LCT: variants seen among roughly 807,000 people sequenced by gnomAD.
LCT encodes lactase/phlorizin hydrolase.
Under a neutral mutation model 173.0 loss-of-function variants are expected in LCT, and 90 were observed. The observed-to-expected ratio is 0.52, with a 90% CI of 0.44 to 0.62. The LOEUF is 0.62. Ranked by LOEUF, LCT falls within the 20% of genes least tolerant of loss-of-function variation. The pLI is 0.00. For synonymous variants in LCT, 853 were observed against 957.6 expected (o/e 0.89, Z 2.02); for missense variants, 1,864 against 2,431.4 (o/e 0.77, Z 4.91).
intron 1 of LCT, among the ~76,000 whole-genome samples, chr2:135,834,956 C>T (rs1050072634): frequency 6.6e-6 from 1 of 151,922 alleles, no homozygotes; most frequent in African/African-American, 2.4e-5. Context: ...AATTTTATAA[C>T]TGTTCGTATA....
Position 135,829,949 on chromosome 2 carries a change from C to T in LCT, c.721-273G>A, listed in dbSNP as rs144669518. On this transcript the variant is annotated intron_variant, in intron 2 of 16. Coordinates refer to ENST00000264162, the MANE Select transcript of LCT (RefSeq NM_002299.4). ...CTCTGTGCTCAGCACACAGAAAGCA[C>T]GCAGTGTTGATGGCTAAATGAATGC... Among the ~76,000 whole-genome samples, 584 of 152,050 alleles carry T rather than the reference C, an allele frequency of 3.8e-3. 4 individuals are homozygous for T. Among genetic ancestry groups the T allele is most frequent in the Non-Finnish European group, 6.1e-3 (413 of 67,994 alleles).
rs1234094603 is a variant in LCT at position 135,836,881 on chromosome 2, G to A, written c.289C>T (p.Leu97Phe). 6.2e-7 allele frequency: 1 copy of A among 1,614,206 alleles called. No homozygotes were observed. The highest frequency in any genetic ancestry group is 1.1e-5 in the South Asian group (1 of 91,086). ...GGATTCTGGGTGCTTCCTGCTGGGA[G>A]GAGCTGTGCCCATGACAGAAATACC... ...YKVFLSWAQL[L>F]PAGSTQNPDE... Residue 97 changes from leucine to phenylalanine, a missense_variant, in exon 1 of 17, where the codon CTC becomes TTC. Physicochemically the swap from Leu to Phe is conservative, Grantham distance 22. Transcript: ENST00000264162.
intron 14 of LCT, among the ~76,000 whole-genome samples, chr2:135,792,200 A>G (rs1218489434): frequency 1.3e-5 from 2 of 152,174 alleles, no homozygotes; most frequent in Non-Finnish European, 2.9e-5. Context: ...AGTGAAATGT[A>G]AAAGTAGAAG....
intron 8 of LCT, among the ~76,000 whole-genome samples, chr2:135,808,170 G>A (rs1260094680): frequency 1.3e-5 from 2 of 152,158 alleles, no homozygotes; most frequent in Non-Finnish European, 2.9e-5. Flanking sequence ...AACTTGCTCA[G>A]TAATGAATGA....
intron 11 of LCT, among the ~76,000 whole-genome samples, chr2:135,802,230 A>G (rs1343840321): frequency 6.6e-6 from 1 of 152,242 alleles, no homozygotes; most frequent in Non-Finnish European, 1.5e-5. Context: ...GAGGAATCAC[A>G]TGAATGAACA....
chr2:135,802,070 T>C (rs2105526719), intron 11 of LCT, among the ~76,000 whole-genome samples: 1 of 152,224 alleles, frequency 6.6e-6, no homozygotes, highest in Admixed American at 6.5e-5. Context: ...GACACGGAGA[T>C]ACCCTGATAG....
chr2:135,795,041 G>GCA (rs947831501), intron 13 of LCT, among the ~76,000 whole-genome samples: 41 of 150,922 alleles, frequency 2.7e-4, no homozygotes, highest in African/African-American at 9.0e-4. Flanking sequence ...CCACGCGCGC[G>GCA]CGCGCACACA....
intron 5 of LCT, 135 bp from the exon 6 acceptor site, chr2:135,818,196 C>T: frequency 9.7e-7 from 1 of 1,034,720 alleles, no homozygotes; most frequent in Non-Finnish European, 1.4e-6. Flanking sequence ...ATCTGCAAAG[C>T]CATGGGCAGG....
chr2:135,822,837 G>A (rs1178284095), intron 4 of LCT: 2 of 153,320 alleles, frequency 1.3e-5, no homozygotes, highest in Non-Finnish European at 2.9e-5. Context: ...CGCCTTCAGG[G>A]ATTAGTGCAG....
intron 5 of LCT, among the ~76,000 whole-genome samples, chr2:135,821,092 A>T (rs1382490482): frequency 2.6e-5 from 4 of 152,144 alleles, no homozygotes; most frequent in African/African-American, 9.7e-5. Context: ...TGTGTTAGCC[A>T]GGATGGTCTC....
intron 2 of LCT, 72 bp downstream of exon 2, chr2:135,833,039 T>C: frequency 2.6e-6 from 3 of 1,174,786 alleles, no homozygotes; most frequent in Non-Finnish European, 3.8e-6. Flanking sequence ...AGACCAAAAC[T>C]TCTCTTGTTT....
chr2:135,831,831 C>T (rs756163583), intron 2 of LCT, among the ~76,000 whole-genome samples: 13 of 152,264 alleles, frequency 8.5e-5, no homozygotes, highest in East Asian at 1.9e-4. Context: ...CTACGGAGAC[C>T]GGCGGTGGTT....
intron 12 of LCT, among the ~76,000 whole-genome samples, chr2:135,800,025 T>C (rs1223961823): frequency 6.6e-6 from 1 of 152,186 alleles, no homozygotes; most frequent in Admixed American, 6.5e-5. Context: ...TTCAAACCAA[T>C]GTTACAGAAA....
intron 1 of LCT, 86 bp from the exon 2 acceptor site, chr2:135,833,276 G>A: frequency 1.1e-6 from 1 of 921,342 alleles, no homozygotes; most frequent in East Asian, 2.4e-5. Context: ...CATTTCCTAT[G>A]GACCTGAAGA....
chr2:135,832,789 C>T (rs2077950641), intron 2 of LCT, among the ~76,000 whole-genome samples: 1 of 151,934 alleles, frequency 6.6e-6, no homozygotes, highest in Non-Finnish European at 1.5e-5. Context: ...TGGCCAGGTG[C>T]ACATTTTTGA....
In LCT at chr2:135,817,930, T is replaced by C; in HGVS notation, c.1118A>G (p.Glu373Gly). 2 of 1,614,000 alleles carry C rather than the reference T, an allele frequency of 1.2e-6. No homozygotes were observed. The highest frequency in any genetic ancestry group is 1.7e-6 in the Non-Finnish European group (2 of 1,180,018). The part of the protein sequence containing the change: ...WEAFANQSRA[E>G]RDAFLQDTFP... ...AGTATCCTGCAGGAAGGCATCCCTTTCCGCCCTGGACTGATTGGCAAATGC... is the reference window on the plus strand; with the variant it reads ...AGTATCCTGCAGGAAGGCATCCCTTCCCGCCCTGGACTGATTGGCAAATGC... The change falls in exon 6 of 17, where the codon GAA (glutamate) becomes GGA (glycine). Residue 373 changes from glutamate to glycine, a missense_variant. Coordinates refer to ENST00000264162, the MANE Select transcript of LCT (RefSeq NM_002299.4).
intron 14 of LCT, 86 bp downstream of exon 14, chr2:135,794,555 G>A: frequency 1.4e-6 from 2 of 1,437,772 alleles, no homozygotes; most frequent in Non-Finnish European, 2.0e-6. Flanking sequence ...CCTGTTTTGA[G>A]GCTGGGCAGG....
chr2:135,795,131 T>C (rs899425002), intron 13 of LCT, among the ~76,000 whole-genome samples: 2 of 152,304 alleles, frequency 1.3e-5, no homozygotes, highest in East Asian at 1.9e-4. Flanking sequence ...TTAGCATCTA[T>C]GACAGATTTC....
chr2:135,799,821 G>GAA (rs2077611370), intron 12 of LCT, among the ~76,000 whole-genome samples: 1 of 152,166 alleles, frequency 6.6e-6, no homozygotes, highest in Non-Finnish European at 1.5e-5. Context: ...TAAACTCATT[G>GAA]AGTTGGCAAA....
Sources: gnomAD v4.1 joint callset for allele counts (sites outside exome capture counted in the v4.1 genomes callset) on GRCh38, gnomAD v4.1.1 for gene constraint, MANE v1.5 for transcripts, NCBI Gene and HGNC (gene_info 2026-07-23, HGNC 2026-07-21) for gene names.